The following GRIK1 variants were observed in gnomAD, a reference collection of about 807,000 sequenced individuals.
GRIK1 encodes the protein glutamate receptor ionotropic, kainate 1.
A neutral mutation model predicts 105.7 loss-of-function variants in GRIK1; 69 were observed. The observed-to-expected ratio is 0.65, with a 90% confidence interval of 0.54 to 0.80. The LOEUF is 0.80. Among genes scored for constraint, GRIK1 ranks in the 30% least tolerant of loss-of-function variants. The pLI is 0.00. For synonymous variants in GRIK1, 438 were observed against 431.3 expected, an observed-to-expected ratio of 1.02 and a Z score of -0.19; for missense variants, 1,109 against 1,167.3, an observed-to-expected ratio of 0.95 and a Z score of 0.73.
At chr21:29,917,325 C>T (rs67607631) in intron 1 of GRIK1, among the ~76,000 whole-genome samples, 1 of 152,012 alleles carries the variant, frequency 6.6e-6, no homozygotes, top group African/African-American at 2.4e-5. Context: ...TTAAGCATGT[C>T]TCACTTCTTG....
chr21:29,574,328 A>G (rs1336110227), intron 14 of GRIK1, among the ~76,000 whole-genome samples: 1 of 152,234 alleles, frequency 6.6e-6, no homozygotes, highest in Non-Finnish European at 1.5e-5. Context: ...TGTGCTGAAC[A>G]TCTTGAAGGA....
At position 29,743,101 on chromosome 21, in the gene GRIK1, A is replaced by G. The variant is rs375142275; in HGVS notation, c.119-49038T>C. Among the ~76,000 whole-genome samples the G allele has an allele frequency of 4.7e-4, 71 of 152,092 alleles. No homozygotes were observed. The East Asian group carries it at 0.011, about 23-fold the overall frequency. Reference sequence around the variant, plus strand: ...CATGTTTCTTTAGGAGGATTCAATCATAGGGGTAAAGTATCAGAATTTCTG... The same window carrying G: ...CATGTTTCTTTAGGAGGATTCAATCGTAGGGGTAAAGTATCAGAATTTCTG... On this transcript the variant is annotated intron_variant, in intron 1 of 17. Coordinates refer to ENST00000327783, the MANE Select transcript of GRIK1 (RefSeq NM_001330994.2).
intron 1 of GRIK1, among the ~76,000 whole-genome samples, chr21:29,925,596 T>C (rs560845921): frequency 6.6e-6 from 1 of 152,238 alleles, no homozygotes; most frequent in East Asian, 1.9e-4. Context: ...AACCCAGAAG[T>C]TGATTTGAAG....
At chr21:29,575,297 T>C (rs1338474482) in intron 14 of GRIK1, among the ~76,000 whole-genome samples, 3 of 151,558 alleles carry the variant, frequency 2.0e-5, no homozygotes, top group Non-Finnish European at 4.4e-5. Flanking sequence ...CAAAAAATAA[T>C]AGACATTGGA....
At chr21:29,929,788 T>A (rs537883730) in intron 1 of GRIK1, among the ~76,000 whole-genome samples, 1 of 152,278 alleles carries the variant, frequency 6.6e-6, no homozygotes, top group African/African-American at 2.4e-5. Context: ...AATAAAATTA[T>A]CATATGCTCC....
At chr21:29,859,107 C>A (rs1004732805) in intron 1 of GRIK1, among the ~76,000 whole-genome samples, 6 of 149,684 alleles carry the variant, frequency 4.0e-5, no homozygotes, top group Non-Finnish European at 7.4e-5. Context: ...CAAACTATCG[C>A]AAGGACGAAA....
chr21:29,672,805 C>T (rs1404875565), intron 4 of GRIK1, among the ~76,000 whole-genome samples, 178 bp downstream of exon 4: 1 of 152,156 alleles, frequency 6.6e-6, no homozygotes, highest in African/African-American at 2.4e-5. Flanking sequence ...TTCAATGAAG[C>T]CCCATGAACT....
intron 1 of GRIK1, among the ~76,000 whole-genome samples, chr21:29,937,496 G>A (rs1042227413): frequency 9.2e-5 from 14 of 152,204 alleles, no homozygotes; most frequent in Middle Eastern, 3.2e-3. Context: ...CTACTTTTAC[G>A]TAGATGATTG....
intron 1 of GRIK1, among the ~76,000 whole-genome samples, chr21:29,867,898 GAGAGAAAGAA>G (rs2068868658): frequency 3.2e-5 from 4 of 123,662 alleles, no homozygotes; most frequent in African/African-American, 1.3e-4. Context: ...GAGAGAGAGA[GAGAGAAAGAA>G]AGAGAGAGAA....
At chr21:29,595,757 G>A (rs1384281240) in intron 9 of GRIK1, among the ~76,000 whole-genome samples, 1 of 152,080 alleles carries the variant, frequency 6.6e-6, no homozygotes, top group Non-Finnish European at 1.5e-5. Flanking sequence ...GAGAAAGAGA[G>A]AGAAGAGATG....
At chr21:29,795,887 C>T (rs2066541212) in intron 1 of GRIK1, among the ~76,000 whole-genome samples, 1 of 151,972 alleles carries the variant, frequency 6.6e-6, no homozygotes, top group Non-Finnish European at 1.5e-5. Context: ...GTCTGTCTAA[C>T]TTGTCTCATA....
At chr21:29,587,293 G>A in intron 12 of GRIK1, 73 bp downstream of exon 12, 1 of 872,390 alleles carries the variant, frequency 1.1e-6, no homozygotes, top group Non-Finnish European at 1.8e-6. Context: ...CCTAATTTTT[G>A]TCTGCCTCTG....
intron 7 of GRIK1, among the ~76,000 whole-genome samples, chr21:29,609,590 A>ACCCC (rs2146365019): frequency 6.6e-6 from 1 of 152,308 alleles, no homozygotes; most frequent in Admixed American, 6.5e-5. Context: ...ATCCAGTCCA[A>ACCCC]TCTGTTGAGG....
intron 14 of GRIK1, among the ~76,000 whole-genome samples, chr21:29,566,536 A>G (rs1228046888): frequency 6.6e-6 from 1 of 152,236 alleles, no homozygotes; most frequent in Non-Finnish European, 1.5e-5. Flanking sequence ...GTGTTACTGC[A>G]TCAATGTTTG....
At chr21:29,545,427 C>A (rs1324708843) in intron 16 of GRIK1, among the ~76,000 whole-genome samples, 1 of 152,180 alleles carries the variant, frequency 6.6e-6, no homozygotes, top group African/African-American at 2.4e-5. Flanking sequence ...TGAGAGGATT[C>A]TGCATGGATT....
chr21:29,694,784 C>T (rs1258525383), intron 1 of GRIK1, among the ~76,000 whole-genome samples: 2 of 152,112 alleles, frequency 1.3e-5, no homozygotes, highest in Non-Finnish European at 2.9e-5. Flanking sequence ...ATTCAGAAGC[C>T]TACATTCCAG....
At chr21:29,890,984 A>AATATTAG (rs2069876162) in intron 1 of GRIK1, among the ~76,000 whole-genome samples, 2 of 152,184 alleles carry the variant, frequency 1.3e-5, no homozygotes, top group Non-Finnish European at 2.9e-5. Context: ...ATTAGCTAAT[A>AATATTAG]CTGAGGAGAC....
Position 29,825,976 on chromosome 21 carries a change from A to T in GRIK1, c.118+113407T>A, listed in dbSNP as rs548353956. The stretch of plus-strand genomic sequence containing the variant: ...CTTCTTTTAGAATAATGTAACAAGT[A>T]ACTTGGAGCCTCCTCTGTGCCTCCA... On this transcript the variant is annotated intron_variant, in intron 1 of 17. Coordinates refer to ENST00000327783, the MANE Select transcript of GRIK1 (RefSeq NM_001330994.2). Among the ~76,000 whole-genome samples the T allele has an allele frequency of 1.3e-4, 20 of 152,212 alleles. No homozygotes were observed. The South Asian group carries it at 3.9e-3, about 30-fold the overall frequency.
intron 1 of GRIK1, among the ~76,000 whole-genome samples, chr21:29,739,303 A>G (rs916434722): frequency 6.6e-6 from 1 of 152,150 alleles, no homozygotes; most frequent in African/African-American, 2.4e-5. Flanking sequence ...TTCTAGGGAG[A>G]GGAAACGGAA....
Sources: gnomAD v4.1 joint callset for allele counts (sites outside exome capture counted in the v4.1 genomes callset) on GRCh38, gnomAD v4.1.1 for gene constraint, MANE v1.5 for transcripts, NCBI Gene and HGNC (gene_info 2026-07-23, HGNC 2026-07-21) for gene names.